The following PALM2AKAP2 variants were observed in gnomAD, a reference collection of about 807,000 sequenced individuals.
PALM2AKAP2 encodes PALM2 and AKAP2 fusion.
In PALM2AKAP2, 37 loss-of-function variants were observed where a neutral mutation model predicts 71.5. The observed-to-expected ratio is 0.52, with a 90% CI of 0.40 to 0.68. The LOEUF is 0.68. Ranked by LOEUF, PALM2AKAP2 falls within the 30% of genes least tolerant of loss-of-function variation. PALM2AKAP2 has a pLI of 0.00. For synonymous variants in PALM2AKAP2, 468 were observed against 478.8 expected (o/e 0.98, Z 0.29); for missense variants, 1,224 against 1,191.8 (o/e 1.03, Z -0.40).
At chr9:110,137,436 C>T (rs761025342) in exon 2 of PALM2AKAP2, 2 of 1,614,098 alleles carry the variant, frequency 1.2e-6, no homozygotes, top group Middle Eastern at 1.6e-4. Context: ...CTGGAGACCC[C>T]ATCGGCAGCA....
At chr9:109,926,681 A>G (rs893944084) in intron 5 of PALM2AKAP2, among the ~76,000 whole-genome samples, 5 of 152,082 alleles carry the variant, frequency 3.3e-5, no homozygotes, top group African/African-American at 1.2e-4. Context: ...TCGGCCTTTT[A>G]TGCTTTCACT....
At chr9:109,680,674 A>G (rs1243876304) in intron 1 of PALM2AKAP2, among the ~76,000 whole-genome samples, 1 of 152,242 alleles carries the variant, frequency 6.6e-6, no homozygotes, top group Admixed American at 6.5e-5. Flanking sequence ...TCATTAACTA[A>G]ATACTAAGCC....
chr9:110,146,362 CT>C (rs1432445839), intron 2 of PALM2AKAP2, among the ~76,000 whole-genome samples: 1 of 152,138 alleles, frequency 6.6e-6, no homozygotes, highest in Non-Finnish European at 1.5e-5. Flanking sequence ...GCTGATTGTG[CT>C]GGGTCTTCAG....
chr9:109,891,487 G>A (rs186124783), intron 3 of PALM2AKAP2, among the ~76,000 whole-genome samples: 1 of 151,352 alleles, frequency 6.6e-6, no homozygotes, highest in African/African-American at 2.4e-5. Flanking sequence ...TCATCATTTT[G>A]TGTGTGTGTG....
intron 6 of PALM2AKAP2, among the ~76,000 whole-genome samples, chr9:109,971,732 C>T (rs2132156976): frequency 6.6e-6 from 1 of 152,246 alleles, no homozygotes; most frequent in South Asian, 2.1e-4. Flanking sequence ...AGCCAAGATA[C>T]ATTGTTGCAG....
intron 2 of PALM2AKAP2, among the ~76,000 whole-genome samples, chr9:110,143,984 T>C (rs1213833633): frequency 6.6e-6 from 1 of 152,256 alleles, no homozygotes; most frequent in South Asian, 2.1e-4. Flanking sequence ...TACATTATTA[T>C]AAAGATTCTT....
intron 1 of PALM2AKAP2, among the ~76,000 whole-genome samples, chr9:109,801,941 C>T (rs1416627084): frequency 1.3e-5 from 2 of 152,160 alleles, no homozygotes; most frequent in East Asian, 3.9e-4. Flanking sequence ...GGTGATCCCC[C>T]CAAAATCAAC....
chr9:109,964,170 T>C (rs1369425536), intron 6 of PALM2AKAP2, among the ~76,000 whole-genome samples: 1 of 152,272 alleles, frequency 6.6e-6, no homozygotes, highest in Non-Finnish European at 1.5e-5. Flanking sequence ...TTTGTGCACT[T>C]GCTCCAAGCC....
chr9:110,061,364 A>T (rs571473330), intron 1 of PALM2AKAP2, among the ~76,000 whole-genome samples: 3 of 152,286 alleles, frequency 2.0e-5, no homozygotes, highest in African/African-American at 7.2e-5. Flanking sequence ...GCCCATTTTC[A>T]TGCATGCATT....
intron 1 of PALM2AKAP2, among the ~76,000 whole-genome samples, chr9:109,866,747 T>C (rs912024030): frequency 2.0e-5 from 3 of 152,144 alleles, no homozygotes; most frequent in Non-Finnish European, 4.4e-5. Context: ...GATGCAGTTA[T>C]TATCTCCACT....
rs111500248 is a variant in PALM2AKAP2 at position 109,703,000 on chromosome 9, G to A, written c.5+62134G>A. Reference sequence around the variant, plus strand: ...GGCCCAGATAATTTTTGTATTTTTAGTAGAGATGGGGTTTCACCAAGTTGG... The same window carrying A: ...GGCCCAGATAATTTTTGTATTTTTAATAGAGATGGGGTTTCACCAAGTTGG... On this transcript the variant is annotated intron_variant, in intron 1 of 6. Transcript: ENST00000374531. Among the ~76,000 whole-genome samples, 560 of 152,092 alleles carry A rather than the reference G, an allele frequency of 3.7e-3. 3 individuals carry two copies. The highest frequency in any genetic ancestry group is 0.013 in the African/African-American group (521 of 41,524).
At chr9:109,676,343 G>A (rs796929684) in intron 1 of PALM2AKAP2, among the ~76,000 whole-genome samples, 10 of 152,292 alleles carry the variant, frequency 6.6e-5, no homozygotes, top group African/African-American at 2.4e-4. Context: ...AATGAGAAAA[G>A]TAGTCCAGGA....
intron 1 of PALM2AKAP2, among the ~76,000 whole-genome samples, chr9:109,794,913 G>A (rs1827209704): frequency 6.6e-6 from 1 of 152,192 alleles, no homozygotes; most frequent in Non-Finnish European, 1.5e-5. Flanking sequence ...AAGTGGACAG[G>A]GTTGTGGACA....
At chr9:110,151,717 C>T (rs946852009) in intron 2 of PALM2AKAP2, among the ~76,000 whole-genome samples, 7 of 152,230 alleles carry the variant, frequency 4.6e-5, no homozygotes, top group Non-Finnish European at 7.3e-5. Flanking sequence ...AATATGATCA[C>T]GTTTATGAAA....
chr9:109,837,607 T>C (rs573026431), intron 1 of PALM2AKAP2, among the ~76,000 whole-genome samples: 12 of 152,154 alleles, frequency 7.9e-5, no homozygotes, highest in African/African-American at 2.9e-4. Context: ...AGTCAAGACC[T>C]ATCAGTGTGC....
At chr9:110,057,386 TTTG>T (rs1833869063) in intron 1 of PALM2AKAP2, among the ~76,000 whole-genome samples, 1 of 126,678 alleles carries the variant, frequency 7.9e-6, no homozygotes, top group African/African-American at 3.2e-5. Flanking sequence ...TTTTTGTTTT[TTTG>T]TTTTTTTTTT....
intron 1 of PALM2AKAP2, among the ~76,000 whole-genome samples, chr9:109,689,510 C>A (rs10980000): frequency 0.1 from 15,710 of 152,162 alleles, 1,489 homozygotes; most frequent in African/African-American, 0.25. Flanking sequence ...AAAAACAATA[C>A]CTTCTTTAAA....
intron 1 of PALM2AKAP2, among the ~76,000 whole-genome samples, chr9:110,051,146 T>C (rs1833702844): frequency 6.6e-6 from 1 of 152,198 alleles, no homozygotes; most frequent in African/African-American, 2.4e-5. Flanking sequence ...AGCTGGGCTT[T>C]GAGATGGGAC....
At chr9:110,170,074 T>C (rs1177427700) in exon 4 of PALM2AKAP2, 2 of 152,566 alleles carry the variant, frequency 1.3e-5, no homozygotes, top group South Asian at 2.1e-4. Flanking sequence ...TCTCATACTT[T>C]ACATTCATGC....
Sources: gnomAD v4.1 joint callset for allele counts (sites outside exome capture counted in the v4.1 genomes callset) on GRCh38, gnomAD v4.1.1 for gene constraint, MANE v1.5 for transcripts, NCBI Gene and HGNC (gene_info 2026-07-23, HGNC 2026-07-21) for gene names.